The following TKTL1 variants were observed in gnomAD, a reference collection of about 807,000 sequenced individuals.
TKTL1 encodes transketolase like 1, also known as transketolase-like protein 1.
In TKTL1, 1 loss-of-function variant was observed where a neutral mutation model predicts 39.3. That is an observed-to-expected ratio of 0.03 (90% CI 0.01 to 0.12). The LOEUF is 0.12. Ranked by LOEUF, TKTL1 falls within the 10% of genes least tolerant of loss-of-function variation. The pLI is 1.00. For synonymous variants in TKTL1, 262 were observed against 193.8 expected, an observed-to-expected ratio of 1.35 and a Z score of -2.92; for missense variants, 575 against 509.6, an observed-to-expected ratio of 1.13 and a Z score of -1.24.
At chrX:154,327,795 C>T (rs1557172283) in intron 11 of TKTL1, 44 bp from the exon 12 acceptor site, 2 of 1,209,664 alleles carry the variant, frequency 1.7e-6, no homozygotes, top group African/African-American at 1.7e-5. Context: ...GCATGTTATT[C>T]TGAGTCTCTT....
intron 10 of TKTL1, among the ~76,000 whole-genome samples, chrX:154,326,662 G>A (rs1217543430): frequency 8.9e-6 from 1 of 112,641 alleles, no homozygotes; most frequent in Non-Finnish European, 1.9e-5. Context: ...TTAACTACAG[G>A]TTCTGTTTCT....
chrX:154,303,152 C>T (rs782007125), intron 1 of TKTL1, among the ~76,000 whole-genome samples: 16 of 107,776 alleles, frequency 1.5e-4, no homozygotes, highest in African/African-American at 5.1e-4. Context: ...TTAGACCCTA[C>T]CTCTCATTCC....
intron 3 of TKTL1, among the ~76,000 whole-genome samples, chrX:154,310,273 A>G (rs1359726640): frequency 2.7e-5 from 3 of 110,195 alleles, no homozygotes; most frequent in African/African-American, 9.9e-5. Flanking sequence ...CCTGGCCAAC[A>G]TGGCGAAACC....
At chrX:154,328,545 C>CGAAAAAA (rs2067511351) in intron 12 of TKTL1, among the ~76,000 whole-genome samples, 1 of 15,312 alleles carries the variant, frequency 6.5e-5, no homozygotes, top group African/African-American at 1.4e-4. Flanking sequence ...GACTCTGCCT[C>CGAAAAAA]AAAAAAAAAA....
At chrX:154,324,888 T>A (rs1224593748) in intron 9 of TKTL1, among the ~76,000 whole-genome samples, 2 of 112,405 alleles carry the variant, frequency 1.8e-5, no homozygotes, top group Non-Finnish European at 3.8e-5. Context: ...TGTGCTCAAA[T>A]TGGTCATAAA....
rs781829899 is a variant in TKTL1 at position 154,312,595 on chromosome X, A to C, written c.686A>C (p.Glu229Ala). The change falls in exon 6 of 13, where the codon GAA becomes GCA. Residue 229 changes from glutamate to alanine, a missense_variant. Physicochemically the swap from Glu to Ala is moderately radical, Grantham distance 107. Coordinates refer to ENST00000369915, the MANE Select transcript of TKTL1 (RefSeq NM_012253.4). ...TTCATTACAGGTATTGAGGATGCAGAAAGTTGGCATGCAAAGCCAATGCCG... is the reference window on the plus strand; with the variant it reads ...TTCATTACAGGTATTGAGGATGCAGCAAGTTGGCATGCAAAGCCAATGCCG... ...GRGTPSIEDAESWHAKPMPRE... is the reference protein window; with the variant it reads ...GRGTPSIEDAASWHAKPMPRE... 2 of 1,208,835 alleles carry C rather than the reference A, an allele frequency of 1.7e-6. No homozygotes were observed. Among genetic ancestry groups the C allele is most frequent in the Admixed American group, 2.2e-5 (1 of 45,491 alleles).
rs372864317 is a variant in TKTL1 at position 154,320,763 on chromosome X, G to A, written c.1036G>A (p.Val346Met). The A allele has an allele frequency of 4.1e-5, 50 of 1,209,616 alleles. No homozygotes were observed. The highest frequency in any genetic ancestry group is 1.2e-4 in the East Asian group (4 of 33,779). ...CATGTTCTCTGTGCTGCAGGTGAGC[G>A]TGGCTCTGGGCTGTGCCTCCCGTGG... The part of the protein sequence containing the change: ...CFMAEQNMVS[V>M]ALGCASRGRT... The change falls in exon 8 of 13, where the codon GTG becomes ATG. Residue 346 changes from valine (V) to methionine (M), a missense_variant. By Grantham distance (21) the Val-to-Met change is conservative. Coordinates refer to ENST00000369915, the MANE Select transcript of TKTL1 (RefSeq NM_012253.4).
chrX:154,308,224 C>T (rs1228326954), intron 2 of TKTL1, among the ~76,000 whole-genome samples: 2 of 111,885 alleles, frequency 1.8e-5, no homozygotes, highest in Non-Finnish European at 3.8e-5. Context: ...TCAGTGCTGA[C>T]GCTTGAGCAG....
At chrX:154,312,502 G>T (rs781782855) in intron 5 of TKTL1, 78 bp from the exon 6 acceptor site, 1 of 1,007,018 alleles carries the variant, frequency 9.9e-7, no homozygotes, top group South Asian at 2.4e-5. Context: ...TTTTTCATCG[G>T]GGTCTGTTTT....
chrX:154,312,612 C>G lies in TKTL1; in HGVS notation c.703C>G (p.Pro235Ala), dbSNP rs1557168587. 5.8e-6 allele frequency: 7 copies of G among 1,209,541 alleles called. No homozygotes were observed. Among genetic ancestry groups the G allele is most frequent in the Non-Finnish European group, 7.8e-6 (7 of 894,412 alleles). Reference sequence around the variant, plus strand: ...GGATGCAGAAAGTTGGCATGCAAAGCCAATGCCGAGAGAAAGAGCAGATGC... The same window carrying G: ...GGATGCAGAAAGTTGGCATGCAAAGGCAATGCCGAGAGAAAGAGCAGATGC... Reference protein sequence around the residue: ...IEDAESWHAKPMPRERADAII... With the variant: ...IEDAESWHAKAMPRERADAII... Residue 235 changes from proline (P) to alanine (A), a missense_variant, in exon 6 of 13, where the codon CCA (proline) becomes GCA (alanine). Transcript: ENST00000369915.
At chrX:154,325,515 A>G in intron 10 of TKTL1, 93 bp downstream of exon 10, 1 of 791,301 alleles carries the variant, frequency 1.3e-6, no homozygotes, top group Non-Finnish European at 1.9e-6. Context: ...GAGTTGAGAC[A>G]TCATCCTTTC....
At chrX:154,315,622 C>T (rs1309293288) in intron 7 of TKTL1, among the ~76,000 whole-genome samples, 1 of 111,371 alleles carries the variant, frequency 9.0e-6, no homozygotes, top group African/African-American at 3.3e-5. Flanking sequence ...CCATCTGAAC[C>T]CAGGGCTCTG....
chrX:154,314,548 T>C (rs1212897814), intron 6 of TKTL1, among the ~76,000 whole-genome samples: 2 of 110,833 alleles, frequency 1.8e-5, no homozygotes, highest in Non-Finnish European at 3.8e-5. Flanking sequence ...TTTTTTGAGA[T>C]GGAGTCTCGC....
At chrX:154,314,030 C>T (rs1275398189) in intron 6 of TKTL1, among the ~76,000 whole-genome samples, 1 of 109,322 alleles carries the variant, frequency 9.1e-6, no homozygotes, top group Non-Finnish European at 1.9e-5. Flanking sequence ...TTTAGGAATA[C>T]ATAAAATATC....
intron 5 of TKTL1, 51 bp downstream of exon 5, chrX:154,311,289 T>C: frequency 1.7e-6 from 2 of 1,204,415 alleles, no homozygotes; most frequent in Middle Eastern, 2.3e-4. Context: ...ATCTGTCCGC[T>C]CAGCAGCAGA....
intron 8 of TKTL1, among the ~76,000 whole-genome samples, chrX:154,322,417 A>C (rs1455414642): frequency 9.1e-6 from 1 of 110,247 alleles, no homozygotes; most frequent in Non-Finnish European, 1.9e-5. Context: ...CTGTAATCCC[A>C]GCTACTTGGG....
rs976647016 is a variant in TKTL1, at chrX:154,318,402, C to G, written c.1030-2355C>G. ...CTGAAGCTGGAGGATTGCTGGAGTT[C>G]AAGAGTTCGAGACCAGGCCGGGTGC... On this transcript the variant is annotated intron_variant, in intron 7 of 12. Coordinates refer to ENST00000369915, the MANE Select transcript of TKTL1 (RefSeq NM_012253.4). Among the ~76,000 whole-genome samples the G allele has an allele frequency of 1.2e-4, 13 of 110,050 alleles. No homozygotes were observed. In the East Asian group the frequency reaches 3.4e-3, roughly 29 times the overall value.
intron 1 of TKTL1, among the ~76,000 whole-genome samples, chrX:154,302,644 G>A (rs1248263096): frequency 2.7e-5 from 3 of 111,707 alleles, no homozygotes; most frequent in Non-Finnish European, 5.7e-5. Flanking sequence ...ATTCTGGGGG[G>A]ACACATTCAG....
chrX:154,323,002 C>T (rs1422188757), intron 8 of TKTL1, among the ~76,000 whole-genome samples: 1 of 112,165 alleles, frequency 8.9e-6, no homozygotes, highest in Non-Finnish European at 1.9e-5. Context: ...CGAGGTGTCA[C>T]AGTGTGATCT....
Sources: allele counts gnomAD v4.1 joint callset (sites outside exome capture counted in the v4.1 genomes callset), GRCh38; gene constraint gnomAD v4.1.1; transcripts MANE v1.5; gene names NCBI Gene and HGNC (gene_info 2026-07-23, HGNC 2026-07-21).